MTMR7: variants seen among roughly 807,000 people sequenced by gnomAD.
MTMR7 encodes myotubularin related protein 7, also known as phosphatidylinositol-3-phosphate phosphatase MTMR7.
A neutral mutation model predicts 81.2 loss-of-function variants in MTMR7; 76 were observed. The observed-to-expected ratio is 0.94, with a 90% CI of 0.78 to 1.13. MTMR7 has a LOEUF of 1.13. MTMR7 is among the 50% of genes most tolerant of loss of function. MTMR7 has a pLI of 0.00. For missense variants in MTMR7, 1,044 were observed against 820.0 expected (o/e 1.27, Z -3.34); for synonymous variants, 372 against 289.8 (o/e 1.28, Z -2.88).
chr8:17,397,001 A>G (rs1238846447), intron 1 of MTMR7, among the ~76,000 whole-genome samples: 1 of 151,914 alleles, frequency 6.6e-6, no homozygotes, highest in East Asian at 1.9e-4. Context: ...AATGGAAGAG[A>G]AGAACCCAGT....
At chr8:17,339,336 A>C (rs1029506406) in intron 6 of MTMR7, among the ~76,000 whole-genome samples, 7 of 152,176 alleles carry the variant, frequency 4.6e-5, no homozygotes, top group African/African-American at 1.7e-4. Context: ...TGGTATACCC[A>C]CAGAGTTGTG....
chr8:17,328,709 T>A (rs1818828745), intron 7 of MTMR7, among the ~76,000 whole-genome samples: 1 of 152,120 alleles, frequency 6.6e-6, no homozygotes, highest in Non-Finnish European at 1.5e-5. Flanking sequence ...CCCCAGAACT[T>A]AAAAATTTTA....
intron 1 of MTMR7, among the ~76,000 whole-genome samples, chr8:17,412,745 G>C (rs1279163704): frequency 6.6e-6 from 1 of 152,154 alleles, no homozygotes; most frequent in African/African-American, 2.4e-5. Context: ...TTCTGTGTAA[G>C]GCCCCTTGCA....
At chr8:17,302,116 A>G (rs1200767446) in intron 13 of MTMR7, 38 bp downstream of exon 13, 1 of 1,613,444 alleles carries the variant, frequency 6.2e-7, no homozygotes, top group Admixed American at 1.7e-5. Context: ...TCAAGAAATA[A>G]GCACAGAAAA....
At chr8:17,372,987 C>G in intron 2 of MTMR7, 131 bp downstream of exon 2, 1 of 1,099,500 alleles carries the variant, frequency 9.1e-7, no homozygotes, top group South Asian at 1.6e-5. Flanking sequence ...AACACACATT[C>G]CAGAAACAGT....
intron 6 of MTMR7, among the ~76,000 whole-genome samples, chr8:17,335,145 G>C (rs555336129): frequency 2.6e-4 from 39 of 152,244 alleles, no homozygotes; most frequent in African/African-American, 8.7e-4. Context: ...AGATGCACAG[G>C]AATAAGGAGC....
chr8:17,309,419 G>A lies in MTMR7; in HGVS notation c.1102-93C>T, dbSNP rs1011281847. 17 of 860,612 alleles carry A rather than the reference G, an allele frequency of 2.0e-5. 1 individual carries two copies. In the Admixed American group the frequency reaches 3.2e-4, roughly 16 times the overall value. The allele number at this position is 860,612 out of a possible 1,614,324, so 53.3% of individuals were successfully genotyped here. On this transcript the variant is annotated intron_variant, in intron 9 of 13. Transcript: ENST00000180173. ...AATGTTGAGGAATTCAGAGGCACTT[G>A]CAGAAGTCCCCATCCTCGAGTAACC...
rs1309629527 is a variant in MTMR7 at position 17,331,134 on chromosome 8, T to C, written c.865+16A>G. The C allele has an allele frequency of 6.2e-7, 1 of 1,607,494 alleles. No individual in the cohort carries two copies. The highest frequency in any genetic ancestry group is 1.7e-5 in the Admixed American group (1 of 58,096). On this transcript the variant is annotated intron_variant, in intron 7 of 13. Coordinates refer to ENST00000180173, the MANE Select transcript of MTMR7 (RefSeq NM_004686.5). ...CTTAACTGCATTTTAATGCTGTGCA[T>C]AAGGAAATGGTTTACCTTCCAGCAT... is the stretch of plus-strand genomic sequence containing the variant.
chr8:17,302,298 G>A lies in MTMR7; in HGVS notation c.1494-18C>T. On this transcript the variant is annotated intron_variant, in intron 12 of 13. Coordinates refer to ENST00000180173, the MANE Select transcript of MTMR7 (RefSeq NM_004686.5). The stretch of plus-strand genomic sequence containing the variant: ...TCCAAAACCTGGAAAGGATGGCAAA[G>A]CGTCGTGATACCACCTTATCACAGT... 6.2e-7 allele frequency: 1 copy of A among 1,611,182 alleles called. No individual in the cohort carries two copies. The highest frequency in any genetic ancestry group is 8.5e-7 in the Non-Finnish European group (1 of 1,178,762).
intron 1 of MTMR7, among the ~76,000 whole-genome samples, chr8:17,404,207 G>A (rs1821510107): frequency 6.6e-6 from 1 of 152,112 alleles, no homozygotes; most frequent in Non-Finnish European, 1.5e-5. Context: ...TAGGAACGGA[G>A]GTGGGATAAC....
chr8:17,307,802 C>G (rs1817554490), intron 10 of MTMR7, among the ~76,000 whole-genome samples: 1 of 151,850 alleles, frequency 6.6e-6, no homozygotes. Flanking sequence ...AAACCAAACA[C>G]CACATGTTCT....
intron 1 of MTMR7, among the ~76,000 whole-genome samples, chr8:17,378,252 A>G (rs1238544423): frequency 6.6e-6 from 1 of 152,206 alleles, no homozygotes; most frequent in African/African-American, 2.4e-5. Flanking sequence ...GGAGGGGAAC[A>G]CCAACAGTAT....
chr8:17,405,925 T>C (rs1034636264), intron 1 of MTMR7, among the ~76,000 whole-genome samples: 8 of 152,148 alleles, frequency 5.3e-5, no homozygotes, highest in African/African-American at 1.7e-4. Flanking sequence ...CACTGTTTTA[T>C]ATATGTAAAG....
At position 17,341,489 on chromosome 8, in the gene MTMR7, G is replaced by A; in HGVS notation, c.606C>T (p.Ile202=). ...CGGACAGGGGCTGGCTGCTCCGGCA[G>A]ATGGAGGCCTAGGGGGAGAGGTCAC... ...SYYYKDNHAS[I]CRSSQPLSGF... is the part of the protein sequence containing the mutation. Residue 202 remains isoleucine (I), a synonymous_variant, in exon 6 of 14, where the codon ATC becomes ATT. Transcript: ENST00000180173. 6.2e-7 allele frequency: 1 copy of A among 1,613,780 alleles called. No individual in the cohort carries two copies. The highest frequency in any genetic ancestry group is 2.2e-5 in the East Asian group (1 of 44,872).
chr8:17,391,854 G>A (rs1363056931), intron 1 of MTMR7, among the ~76,000 whole-genome samples: 1 of 152,182 alleles, frequency 6.6e-6, no homozygotes, highest in African/African-American at 2.4e-5. Flanking sequence ...AACATTAAGT[G>A]GGGGTTATTT....
intron 10 of MTMR7, among the ~76,000 whole-genome samples, chr8:17,308,162 C>T (rs1586149171): frequency 6.6e-6 from 1 of 151,750 alleles, no homozygotes; most frequent in Admixed American, 6.6e-5. Context: ...TCAAAATAAA[C>T]TTTACTGCAA....
At chr8:17,330,724 A>G (rs1818957474) in intron 7 of MTMR7, among the ~76,000 whole-genome samples, 1 of 152,160 alleles carries the variant, frequency 6.6e-6, no homozygotes. Context: ...AATGAGGGTC[A>G]GCTCCTCCGA....
chr8:17,405,769 A>G (rs1056604215), intron 1 of MTMR7, among the ~76,000 whole-genome samples: 1 of 152,050 alleles, frequency 6.6e-6, no homozygotes, highest in Non-Finnish European at 1.5e-5. Context: ...CACTTTTCAG[A>G]AGGTTTAATA....
At chr8:17,355,848 A>G (rs10091782) in intron 4 of MTMR7, among the ~76,000 whole-genome samples, 74,777 of 152,114 alleles carry the variant, frequency 0.49, 21,758 homozygotes, top group African/African-American at 0.8. Flanking sequence ...CTCACTAGTC[A>G]ATCAGGTCAA....
Sources: allele counts gnomAD v4.1 joint callset (sites outside exome capture counted in the v4.1 genomes callset), GRCh38; gene constraint gnomAD v4.1.1; transcripts MANE v1.5; gene names NCBI Gene and HGNC (gene_info 2026-07-23, HGNC 2026-07-21).